UBAP2: variants seen among roughly 807,000 people sequenced by gnomAD.
The protein encoded by UBAP2 is ubiquitin-associated protein 2.
UBAP2 carries 75 observed loss-of-function variants against 139.6 expected under a neutral mutation model. The observed-to-expected ratio is 0.54, with a 90% confidence interval of 0.45 to 0.65. UBAP2 has a LOEUF of 0.65. UBAP2 is among the 30% of genes least tolerant of loss of function. The pLI is 0.00. For missense variants in UBAP2, 1,368 were observed against 1,369.6 expected, an observed-to-expected ratio of 1.00 and a Z score of 0.02; for synonymous variants, 526 against 526.2, an observed-to-expected ratio of 1.00 and a Z score of 0.01.
At chr9:34,029,094 C>T (rs1164756921) in intron 1 of UBAP2, among the ~76,000 whole-genome samples, 1 of 151,928 alleles carries the variant, frequency 6.6e-6, no homozygotes, top group Non-Finnish European at 1.5e-5. Context: ...CCAGACTGGG[C>T]AATAGAGTAA....
intron 6 of UBAP2, among the ~76,000 whole-genome samples, chr9:33,977,288 T>C (rs531953923): frequency 1.3e-5 from 2 of 151,984 alleles, no homozygotes; most frequent in African/African-American, 4.8e-5. Context: ...CCGCCCGCCT[T>C]AGCCTCCCAA....
intron 6 of UBAP2, among the ~76,000 whole-genome samples, chr9:33,980,655 A>C (rs1022410621): frequency 6.6e-6 from 1 of 152,078 alleles, no homozygotes; most frequent in East Asian, 1.9e-4. Flanking sequence ...CATTCAAAAC[A>C]AAGTTAAATG....
intron 6 of UBAP2, among the ~76,000 whole-genome samples, chr9:33,985,039 T>C (rs1428696893): frequency 1.3e-5 from 2 of 152,188 alleles, no homozygotes; most frequent in African/African-American, 4.8e-5. Context: ...TACAGCCATT[T>C]TGGAAAACAG....
intron 7 of UBAP2, 49 bp downstream of exon 7, chr9:33,973,133 TA>T (rs1310206584): frequency 6.4e-7 from 1 of 1,572,274 alleles, no homozygotes; most frequent in African/African-American, 1.4e-5. Flanking sequence ...AACTGCAGAA[TA>T]AAAACTAGGG....
intron 1 of UBAP2, among the ~76,000 whole-genome samples, chr9:34,024,043 C>G (rs1285599461): frequency 1.4e-5 from 2 of 141,836 alleles, no homozygotes; most frequent in African/African-American, 5.3e-5. Context: ...GACTCTGTCT[C>G]AAAAAAAAAT....
In UBAP2 at chr9:34,036,829, G is replaced by C. The variant is rs1388222307; in HGVS notation, c.-42+11996C>G. Among the ~76,000 whole-genome samples, 10 of 114,122 alleles carry C rather than the reference G, an allele frequency of 8.8e-5. No homozygotes were observed. In the South Asian group the frequency reaches 3.0e-3, roughly 34 times the overall value. 74.9% of individuals were successfully genotyped at this position (114,122 alleles called of 152,430 possible). A position where few individuals can be genotyped will look rare whatever the true frequency, so the allele number is the denominator to read the frequency against. On this transcript the variant is annotated intron_variant, in intron 1 of 28. Transcript: ENST00000379238. ...CTCTTTTTTTTTTTTTTTTTTTTGAGACAAGGTCTCATTCTGTCTGCCCAG... is the reference window on the plus strand; with the variant it reads ...CTCTTTTTTTTTTTTTTTTTTTTGACACAAGGTCTCATTCTGTCTGCCCAG...
Position 34,027,502 on chromosome 9 carries a change from G to C in UBAP2, c.-41-10313C>G, listed in dbSNP as rs151252793. On this transcript the variant is annotated intron_variant, in intron 1 of 28. Coordinates refer to ENST00000379238, the MANE Select transcript of UBAP2 (RefSeq NM_001370062.2). ...GAGGCCAAGAGGGGGAGGATCGCCT[G>C]AGCCCAGGAGTTTAAAACCAGCCTG... Among the ~76,000 whole-genome samples the C allele has an allele frequency of 5.4e-3, 817 of 151,774 alleles. 4 individuals are homozygous for C. Among genetic ancestry groups the C allele is most frequent in the Middle Eastern group, 0.014 (4 of 290 alleles).
chr9:33,972,163 T>A (rs1827964150), intron 7 of UBAP2, among the ~76,000 whole-genome samples: 1 of 152,228 alleles, frequency 6.6e-6, no homozygotes, highest in Non-Finnish European at 1.5e-5. Flanking sequence ...TAGATTTATA[T>A]GCTCCTTTAC....
chr9:33,977,371 C>T (rs966034586), intron 6 of UBAP2, among the ~76,000 whole-genome samples: 1 of 152,066 alleles, frequency 6.6e-6, no homozygotes, highest in African/African-American at 2.4e-5. Context: ...AAAATCTAAT[C>T]CATCGTCCCC....
Position 33,972,853 on chromosome 9 carries a change from C to T in UBAP2, c.575+330G>A, listed in dbSNP as rs558772928. 4.6e-5 allele frequency among the ~76,000 whole-genome samples: 7 copies of T among 152,252 alleles called. No individual in the cohort carries two copies. The East Asian group carries it at 1.3e-3, about 29-fold the overall frequency. On this transcript the variant is annotated intron_variant, in intron 7 of 28. Transcript: ENST00000379238. Reference sequence around the variant, plus strand: ...AGGTACGTCTATAGGTATTTTGTCACAACTTCAGGCGAAGTGCTACTGACA... The same window carrying T: ...AGGTACGTCTATAGGTATTTTGTCATAACTTCAGGCGAAGTGCTACTGACA...
chr9:33,939,252 G>C (rs896901052), intron 16 of UBAP2, among the ~76,000 whole-genome samples: 1 of 131,432 alleles, frequency 7.6e-6, no homozygotes, highest in African/African-American at 3.0e-5. Context: ...GGAGTGCAAC[G>C]GTGTGATCTC....
intron 2 of UBAP2, among the ~76,000 whole-genome samples, chr9:34,011,396 AGACT>A (rs1823738860): frequency 6.6e-6 from 1 of 152,202 alleles, no homozygotes; most frequent in Non-Finnish European, 1.5e-5. Context: ...AGGGATAGAC[AGACT>A]ACTTCTGAAA....
intron 19 of UBAP2, among the ~76,000 whole-genome samples, chr9:33,930,423 C>CATAAAGCAGATGT (rs1823867066): frequency 6.6e-6 from 1 of 151,956 alleles, no homozygotes; most frequent in Admixed American, 6.6e-5. Context: ...CTTAAATAAC[C>CATAAAGCAGATGT]TTAAATAACA....
At chr9:34,028,955 AT>A (rs1219640182) in intron 1 of UBAP2, among the ~76,000 whole-genome samples, 2 of 151,652 alleles carry the variant, frequency 1.3e-5, no homozygotes, top group South Asian at 2.1e-4. Context: ...TATACAATAA[AT>A]TTTTTTTTAA....
chr9:33,959,516 T>A (rs955579527), intron 10 of UBAP2, among the ~76,000 whole-genome samples: 1 of 152,162 alleles, frequency 6.6e-6, no homozygotes, highest in African/African-American at 2.4e-5. Flanking sequence ...AACTCAAGAG[T>A]TCTAGAACTT....
intron 2 of UBAP2, among the ~76,000 whole-genome samples, chr9:34,009,329 C>G (rs1394471952): frequency 1.3e-5 from 2 of 151,856 alleles, no homozygotes; most frequent in African/African-American, 4.8e-5. Context: ...GAACCCCTGG[C>G]CTCAGGTGAT....
chr9:33,963,544 A>C (rs988911378), intron 9 of UBAP2, among the ~76,000 whole-genome samples, 182 bp downstream of exon 9: 1 of 152,244 alleles, frequency 6.6e-6, no homozygotes, highest in African/African-American at 2.4e-5. Flanking sequence ...TGGCACCTTG[A>C]AAGTCAATCA....
At chr9:34,027,784 C>T (rs983511464) in intron 1 of UBAP2, among the ~76,000 whole-genome samples, 3 of 151,332 alleles carry the variant, frequency 2.0e-5, no homozygotes, top group African/African-American at 4.9e-5. Context: ...TGGTGTGAAC[C>T]TGGGAGGCAA....
chr9:34,026,405 T>C (rs1284641811), intron 1 of UBAP2, among the ~76,000 whole-genome samples: 1 of 152,080 alleles, frequency 6.6e-6, no homozygotes, highest in African/African-American at 2.4e-5. Flanking sequence ...TCAGATGACA[T>C]GAATTACATA....
Sources: allele counts gnomAD v4.1 joint callset (sites outside exome capture counted in the v4.1 genomes callset), GRCh38; gene constraint gnomAD v4.1.1; transcripts MANE v1.5; gene names NCBI Gene and HGNC (gene_info 2026-07-23, HGNC 2026-07-21).